The following PPFIBP1 variants were observed in gnomAD, a reference collection of about 807,000 sequenced individuals.
PPFIBP1 encodes the protein liprin-beta-1.
In PPFIBP1, 112 loss-of-function variants were observed where a neutral mutation model predicts 137.8. The ratio of observed to expected loss-of-function variants is 0.81; its 90% CI spans 0.70 to 0.95. The LOEUF is 0.95. Among genes scored for constraint, PPFIBP1 ranks in the 40% least tolerant of loss-of-function variants. PPFIBP1 has a pLI of 0.00. For missense variants in PPFIBP1, 1,083 were observed against 1,196.6 expected (o/e 0.91, Z 1.40); for synonymous variants, 378 against 417.3 (o/e 0.91, Z 1.15).
chr12:27,558,262 T>TTTTTTG (rs1555192266), intron 1 of PPFIBP1, among the ~76,000 whole-genome samples: 72 of 148,272 alleles, frequency 4.9e-4, no homozygotes, highest in South Asian at 1.1e-3. Context: ...CTGGGTTTTT[T>TTTTTTG]TTTTGTTTTG....
At chr12:27,527,145 T>G (rs780849825) in intron 1 of PPFIBP1, among the ~76,000 whole-genome samples, 5 of 152,348 alleles carry the variant, frequency 3.3e-5, no homozygotes, top group Non-Finnish European at 7.3e-5. Flanking sequence ...TAGATTATGT[T>G]GATAATTTGT....
intron 27 of PPFIBP1, among the ~76,000 whole-genome samples, chr12:27,689,911 A>G (rs1446115767): frequency 2.0e-5 from 3 of 152,200 alleles, no homozygotes; most frequent in Non-Finnish European, 2.9e-5. Flanking sequence ...GCATGCAGCT[A>G]GCTACATTCT....
rs1421459954 is a variant in PPFIBP1, at chr12:27,692,869, A to G, written c.3005A>G (p.Asp1002Gly). 4 of 1,613,888 alleles carry G rather than the reference A, an allele frequency of 2.5e-6. No individual in the cohort carries two copies. In the African/African-American group the frequency reaches 5.3e-5, roughly 22 times the overall value. The change falls in exon 30 of 30, where the codon GAC becomes GGC. Residue 1002 changes from aspartate (D) to glycine (G), a missense_variant. Asp to Gly is a moderately conservative substitution (Grantham distance 94). Transcript: ENST00000228425. ...CCCAGTGCCAGCATTACAGATGAAG[A>G]CTCAAACGTTTGACCGTAGCACCTG... ...RSPSASITDE[D>G]SNV
chr12:27,579,274 T>G (rs1481217840), intron 2 of PPFIBP1, among the ~76,000 whole-genome samples: 1 of 152,238 alleles, frequency 6.6e-6, no homozygotes, highest in Non-Finnish European at 1.5e-5. Context: ...GACCAGATGC[T>G]TTCAAGGGTC....
chr12:27,687,594 G>A, intron 25 of PPFIBP1, 87 bp downstream of exon 25: 1 of 1,434,360 alleles, frequency 7.0e-7, no homozygotes, highest in Non-Finnish European at 9.4e-7. Context: ...ATTTTTCTTG[G>A]AGCCTGCAGG....
At chr12:27,557,809 G>A (rs1230980731) in intron 1 of PPFIBP1, among the ~76,000 whole-genome samples, 2 of 152,162 alleles carry the variant, frequency 1.3e-5, no homozygotes, top group African/African-American at 4.8e-5. Context: ...TGAAAAATGA[G>A]TGATGCAGAT....
At chr12:27,674,501 G>A (rs1366988079) in intron 17 of PPFIBP1, among the ~76,000 whole-genome samples, 1 of 152,138 alleles carries the variant, frequency 6.6e-6, no homozygotes, top group African/African-American at 2.4e-5. Context: ...TTCGAATGAT[G>A]GAAATGTTTT....
chr12:27,657,575 G>A (rs1269369289), intron 9 of PPFIBP1, among the ~76,000 whole-genome samples: 1 of 151,352 alleles, frequency 6.6e-6, no homozygotes, highest in African/African-American at 2.4e-5. Context: ...GTCCAATGAG[G>A]GACTTGAGTT....
At chr12:27,690,469 G>C (rs7962258) in intron 27 of PPFIBP1, among the ~76,000 whole-genome samples, 98,667 of 152,124 alleles carry the variant, frequency 0.65, 33,429 homozygotes, top group Admixed American at 0.79. Context: ...GGGCATGGTG[G>C]CTCATGCCTG....
At chr12:27,594,174 A>ATT (rs35066032) in intron 2 of PPFIBP1, 4,101 of 139,652 alleles carry the variant, frequency 0.029, 158 homozygotes, top group Non-Finnish European at 0.039. Context: ...CCCCTTTTCT[A>ATT]TTTTTTTTTT....
chr12:27,563,635 A>G (rs2049372751), intron 1 of PPFIBP1, among the ~76,000 whole-genome samples: 2 of 151,582 alleles, frequency 1.3e-5, no homozygotes, highest in South Asian at 4.2e-4. Flanking sequence ...GTTGAGAACA[A>G]CCCCCACAGC....
intron 2 of PPFIBP1, among the ~76,000 whole-genome samples, chr12:27,613,788 T>C (rs549793568): frequency 1.2e-3 from 179 of 152,198 alleles, no homozygotes; most frequent in African/African-American, 4.2e-3. Flanking sequence ...TGGCCCTTGA[T>C]GTCAGTCCTG....
chr12:27,644,244 GTTTTTTTTTTTTT>G (rs3842650), intron 4 of PPFIBP1, among the ~76,000 whole-genome samples: 9,642 of 117,846 alleles, frequency 0.082, 450 homozygotes, highest in Middle Eastern at 0.12. Flanking sequence ...GCTTGGCTAA[GTTTTTTTTTTTTT>G]TTTTTTTTTT....
At chr12:27,639,735 T>A (rs763697631) in intron 4 of PPFIBP1, among the ~76,000 whole-genome samples, 4 of 152,264 alleles carry the variant, frequency 2.6e-5, no homozygotes, top group African/African-American at 9.6e-5. Flanking sequence ...CCCTTCTCTC[T>A]TATTTTTACA....
intron 2 of PPFIBP1, among the ~76,000 whole-genome samples, chr12:27,608,263 G>GCA (rs1195633882): frequency 6.6e-6 from 1 of 152,178 alleles, no homozygotes; most frequent in East Asian, 1.9e-4. Context: ...GCTACAGACA[G>GCA]CACACTGTTC....
chr12:27,633,190 G>A (rs150259842), intron 2 of PPFIBP1, among the ~76,000 whole-genome samples, 172 bp from the exon 3 acceptor site: 62 of 152,240 alleles, frequency 4.1e-4, no homozygotes, highest in Admixed American at 5.9e-4. Flanking sequence ...TACAGGTATC[G>A]CATGTGGTCT....
At chr12:27,678,898 A>G (rs906091689) in intron 19 of PPFIBP1, among the ~76,000 whole-genome samples, 5 of 149,338 alleles carry the variant, frequency 3.3e-5, no homozygotes, top group Non-Finnish European at 7.4e-5. Flanking sequence ...AGAGAGAAAA[A>G]GACTCTCGGG....
intron 1 of PPFIBP1, among the ~76,000 whole-genome samples, chr12:27,568,851 G>A (rs1021263096): frequency 2.0e-5 from 3 of 152,118 alleles, no homozygotes; most frequent in African/African-American, 7.2e-5. Context: ...CATTGTATAT[G>A]TATTCACCAA....
chr12:27,534,308 A>G lies in PPFIBP1; in HGVS notation c.-124+9943A>G, dbSNP rs561337969. 3.9e-5 allele frequency among the ~76,000 whole-genome samples: 6 copies of G among 152,310 alleles called. 1 individual carries two copies. The highest frequency in any genetic ancestry group is 1.4e-4 in the African/African-American group (6 of 41,562). ...AAATGGAAAAAAAAAAGATGTGATC[A>G]GAAGGGATACGAATTGAGTAAGTTC... On this transcript the variant is annotated intron_variant, in intron 1 of 29. Transcript: ENST00000228425.
Sources: allele counts gnomAD v4.1 joint callset (sites outside exome capture counted in the v4.1 genomes callset), GRCh38; gene constraint gnomAD v4.1.1; transcripts MANE v1.5; gene names NCBI Gene and HGNC (gene_info 2026-07-23, HGNC 2026-07-21).